ADGRL3: variants seen among roughly 807,000 people sequenced by gnomAD.
The protein encoded by ADGRL3 is adhesion G protein-coupled receptor L3, also known as calcium-independent alpha-latrotoxin receptor 3.
In ADGRL3, 62 loss-of-function variants were observed where a neutral mutation model predicts 153.5. The observed-to-expected ratio is 0.40, with a 90% CI of 0.33 to 0.50. The LOEUF is 0.50. Ranked by LOEUF, ADGRL3 falls within the 20% of genes least tolerant of loss-of-function variation. The probability of loss-of-function intolerance (pLI) is 0.47; values close to 1 mark genes in which losing one functional copy is unlikely to be tolerated. For missense variants in ADGRL3, 1,641 were observed against 1,859.4 expected, an observed-to-expected ratio of 0.88 and a Z score of 2.16; for synonymous variants, 710 against 672.5, an observed-to-expected ratio of 1.06 and a Z score of -0.86.
chr4:61,379,259 G>A (rs1035301300), intron 1 of ADGRL3, among the ~76,000 whole-genome samples: 1 of 151,992 alleles, frequency 6.6e-6, no homozygotes, highest in Middle Eastern at 3.4e-3. Context: ...TAGTTGTGGA[G>A]GTGGACTGTC....
intron 2 of ADGRL3, among the ~76,000 whole-genome samples, chr4:61,416,905 C>T (rs13435130): frequency 0.53 from 80,618 of 151,838 alleles, 23,986 homozygotes; most frequent in Admixed American, 0.7. Context: ...CACTGGGAAC[C>T]CTGAGCTTGT....
chr4:61,490,080 A>C (rs973857537), intron 2 of ADGRL3, among the ~76,000 whole-genome samples: 3 of 152,092 alleles, frequency 2.0e-5, no homozygotes, highest in Non-Finnish European at 4.4e-5. Flanking sequence ...GCAGTTCTGC[A>C]ACACGCTGCC....
chr4:61,775,629 T>G (rs962133165), intron 8 of ADGRL3: 1 of 1,411,090 alleles, frequency 7.1e-7, no homozygotes, highest in East Asian at 2.3e-5. Context: ...TTAGGTTGAT[T>G]TGGTGTTCAG....
chr4:61,260,852 A>G (rs753212902), intron 1 of ADGRL3, among the ~76,000 whole-genome samples: 6 of 152,026 alleles, frequency 3.9e-5, no homozygotes, highest in Non-Finnish European at 8.8e-5. Flanking sequence ...CAGCCTCCCA[A>G]GTAGTTGGGA....
chr4:61,677,138 T>C, intron 6 of ADGRL3: 2 of 495,464 alleles, frequency 4.0e-6, no homozygotes, highest in South Asian at 5.4e-5. Flanking sequence ...CATTTACTTG[T>C]GATTATTTCT....
At chr4:62,036,126 C>G (rs1047565768) in intron 23 of ADGRL3, among the ~76,000 whole-genome samples, 1 of 152,052 alleles carries the variant, frequency 6.6e-6, no homozygotes, top group African/African-American at 2.4e-5. Context: ...ACAGAAGAGA[C>G]TGGTTGCAAA....
At chr4:61,221,157 T>C (rs1745296613) in intron 1 of ADGRL3, among the ~76,000 whole-genome samples, 1 of 152,228 alleles carries the variant, frequency 6.6e-6, no homozygotes, top group Admixed American at 6.5e-5. Context: ...TCATGCTGAA[T>C]ATAATAGTTT....
chr4:61,603,611 G>T (rs2099020774), intron 5 of ADGRL3, among the ~76,000 whole-genome samples: 1 of 152,104 alleles, frequency 6.6e-6, no homozygotes, highest in South Asian at 2.1e-4. Flanking sequence ...CAAAGTTTTT[G>T]GAATACAGCA....
intron 9 of ADGRL3, among the ~76,000 whole-genome samples, chr4:61,867,535 T>TATATATATATATATATATATATGC (rs1195493486): frequency 7.3e-6 from 1 of 137,140 alleles, no homozygotes; most frequent in Non-Finnish European, 1.6e-5. Context: ...TATATATATA[T>TATATATATATATATATATATATGC]ATATAATTGT....
At chr4:61,957,418 A>G (rs2098971308) in intron 17 of ADGRL3, among the ~76,000 whole-genome samples, 1 of 152,176 alleles carries the variant, frequency 6.6e-6, no homozygotes, top group East Asian at 1.9e-4. Flanking sequence ...CTTTTATATA[A>G]AAGAGTAGTT....
At chr4:61,835,284 C>T (rs189390425) in intron 9 of ADGRL3, among the ~76,000 whole-genome samples, 1 of 139,230 alleles carries the variant, frequency 7.2e-6, no homozygotes, top group Non-Finnish European at 1.5e-5. Flanking sequence ...CAGGCTACCA[C>T]TACCAGAAGT....
At chr4:61,392,495 G>A (rs1015181859) in intron 2 of ADGRL3, among the ~76,000 whole-genome samples, 20 of 151,028 alleles carry the variant, frequency 1.3e-4, no homozygotes, top group African/African-American at 4.9e-4. Flanking sequence ...AGACCATCCT[G>A]GCCAACATGG....
chr4:61,231,995 A>T (rs1191615294), intron 1 of ADGRL3, among the ~76,000 whole-genome samples: 1 of 151,730 alleles, frequency 6.6e-6, no homozygotes, highest in African/African-American at 2.4e-5. Context: ...AGATAGATAA[A>T]TTAGGAAAAT....
intron 5 of ADGRL3, among the ~76,000 whole-genome samples, chr4:61,595,521 G>A (rs556755210): frequency 3.8e-4 from 58 of 152,260 alleles, no homozygotes; most frequent in African/African-American, 1.3e-3. Flanking sequence ...CTGTGGCTGA[G>A]CTGGTATCCA....
At chr4:61,822,140 G>A (rs2097761732) in intron 9 of ADGRL3, among the ~76,000 whole-genome samples, 2 of 152,092 alleles carry the variant, frequency 1.3e-5, no homozygotes, top group African/African-American at 4.8e-5. Context: ...TCTCCCAATA[G>A]AATACAAACG....
Position 62,060,756 on chromosome 4 carries a change from CTT to C in ADGRL3, c.3815-7403_3815-7402del, listed in dbSNP as rs529304404. ...TGTCCAAAAGGCACCATGATGAACT[CTT>C]TTTTTTCTCATAAAATACCATATAT... On this transcript the variant is annotated intron_variant, in intron 25 of 26. Transcript: ENST00000683033. Among the ~76,000 whole-genome samples the C allele has an allele frequency of 1.7e-3, 252 of 151,494 alleles. 1 individual carries two copies. The highest frequency in any genetic ancestry group is 3.1e-3 in the Non-Finnish European group (208 of 67,688).
Position 61,428,891 on chromosome 4 carries a change from TATCATCTATC to T in ADGRL3, c.-174+45703_-174+45712del, listed in dbSNP as rs1560616486. ...TCTATCTATATCATCTATCTATCTA[TATCATCTATC>T]TATCTATCTATCTATCTATCTATCT... On this transcript the variant is annotated intron_variant, in intron 2 of 26. Transcript: ENST00000683033. Among the ~76,000 whole-genome samples the T allele has an allele frequency of 5.2e-5, 4 of 77,482 alleles. No homozygotes were observed. The Admixed American group carries it at 5.8e-4, about 11-fold the overall frequency. 50.8% of individuals were successfully genotyped at this position (77,482 alleles called of 152,430 possible). A position where few individuals can be genotyped will look rare whatever the true frequency, so the allele number is the denominator to read the frequency against.
At chr4:61,474,735 G>T (rs1180246500) in intron 2 of ADGRL3, among the ~76,000 whole-genome samples, 1 of 152,098 alleles carries the variant, frequency 6.6e-6, no homozygotes, top group East Asian at 1.9e-4. Flanking sequence ...AGAAGAAAAG[G>T]CACATATATC....
At chr4:61,841,307 C>CACTT (rs34535823) in intron 9 of ADGRL3, among the ~76,000 whole-genome samples, 55,401 of 151,876 alleles carry the variant, frequency 0.36, 12,728 homozygotes, top group East Asian at 0.75. Context: ...GCTGGAGGCT[C>CACTT]ACGTATTTGC....
Sources: allele counts gnomAD v4.1 joint callset (sites outside exome capture counted in the v4.1 genomes callset), GRCh38; gene constraint gnomAD v4.1.1; transcripts MANE v1.5; gene names NCBI Gene and HGNC (gene_info 2026-07-23, HGNC 2026-07-21).